The following ROBO2 variants were observed in gnomAD, a reference collection of about 807,000 sequenced individuals.
ROBO2 encodes the protein roundabout homolog 2.
Under a neutral mutation model 160.8 loss-of-function variants are expected in ROBO2, and 53 were observed. The ratio of observed to expected loss-of-function variants is 0.33; its 90% confidence interval spans 0.26 to 0.41. The LOEUF (loss-of-function observed/expected upper bound fraction) is 0.41. Ranked by LOEUF, ROBO2 falls within the 10% of genes least tolerant of loss-of-function variation. The probability of loss-of-function intolerance (pLI) is 1.00; values close to 1 mark genes in which losing one functional copy is unlikely to be tolerated. For synonymous variants in ROBO2, 664 were observed against 611.7 expected, an observed-to-expected ratio of 1.09 and a Z score of -1.26; for missense variants, 1,577 against 1,722.4, an observed-to-expected ratio of 0.92 and a Z score of 1.49.
intron 2 of ROBO2, among the ~76,000 whole-genome samples, chr3:76,104,776 A>C (rs1362473014): frequency 6.6e-6 from 1 of 152,168 alleles, no homozygotes; most frequent in Admixed American, 6.5e-5. Context: ...TTAATTGTTC[A>C]TGTCTACTGA....
intron 2 of ROBO2, among the ~76,000 whole-genome samples, chr3:76,955,810 C>T (rs1193652255): frequency 6.6e-6 from 1 of 151,764 alleles, no homozygotes; most frequent in African/African-American, 2.4e-5. Flanking sequence ...TGCCTGTAAT[C>T]CCAGCTATTC....
At chr3:77,279,787 A>G (rs915449903) in intron 2 of ROBO2, among the ~76,000 whole-genome samples, 2 of 152,154 alleles carry the variant, frequency 1.3e-5, no homozygotes, top group African/African-American at 2.4e-5. Context: ...TTTTCCTACC[A>G]AAGTGTATAA....
intron 2 of ROBO2, among the ~76,000 whole-genome samples, chr3:76,967,266 G>C (rs554543116): frequency 2.7e-5 from 4 of 148,386 alleles, no homozygotes; most frequent in African/African-American, 5.0e-5. Context: ...TCACTCTGTC[G>C]TCCAGTTTGT....
In ROBO2 at chr3:76,382,815, A is replaced by G. The variant is rs575379521; in HGVS notation, c.109+445213A>G. ...AAACACTCCTAACTGTAGATGTTAC[A>G]TGACTGAAAAAGGCCAAAGCATCTA... On this transcript the variant is annotated intron_variant, in intron 2 of 26. Coordinates refer to the ROBO2 transcript ENST00000487694. Among the ~76,000 whole-genome samples the G allele has an allele frequency of 3.9e-4, 60 of 152,326 alleles. No individual in the cohort carries two copies. The Middle Eastern group carries it at 0.01, about 26-fold the overall frequency.
intron 2 of ROBO2, among the ~76,000 whole-genome samples, chr3:76,851,293 G>A (rs1377280336): frequency 1.3e-5 from 2 of 152,140 alleles, no homozygotes; most frequent in East Asian, 3.9e-4. Flanking sequence ...ATAACCACAT[G>A]TATCTGGTGG....
At chr3:76,624,758 A>C (rs1186396149) in intron 2 of ROBO2, among the ~76,000 whole-genome samples, 3 of 120,424 alleles carry the variant, frequency 2.5e-5, no homozygotes, top group Non-Finnish European at 4.9e-5. Flanking sequence ...AGATCGCGCT[A>C]TTCTTTCCAG....
At chr3:75,954,486 T>G (rs1351186871) in intron 2 of ROBO2, among the ~76,000 whole-genome samples, 1 of 151,900 alleles carries the variant, frequency 6.6e-6, no homozygotes, top group Non-Finnish European at 1.5e-5. Context: ...AAGTCTTGTA[T>G]TAGTTTCCCC....
chr3:76,762,347 G>C (rs1398235737), intron 2 of ROBO2, among the ~76,000 whole-genome samples: 2 of 151,122 alleles, frequency 1.3e-5, no homozygotes, highest in Non-Finnish European at 3.0e-5. Context: ...AAATACAATA[G>C]AATGTACCTT....
rs140070686 is a variant in ROBO2, at chr3:77,421,877, A to C, written c.389-55537A>C. 4.9e-3 allele frequency among the ~76,000 whole-genome samples: 749 copies of C among 152,284 alleles called. 6 individuals carry two copies. Among genetic ancestry groups the C allele is most frequent in the Non-Finnish European group, 5.7e-3 (390 of 67,990 alleles). ...CAGCCTGAAATAATTTTAAGTTTAA[A>C]AAACAAGATCTGCTGTCTAAAAATG... On this transcript the variant is annotated intron_variant, in intron 2 of 25. Coordinates refer to ENST00000461745, the Ensembl canonical transcript of ROBO2.
chr3:76,012,956 A>T (rs2107619806), intron 2 of ROBO2, among the ~76,000 whole-genome samples: 1 of 150,540 alleles, frequency 6.6e-6, no homozygotes, highest in Admixed American at 6.6e-5. Flanking sequence ...AGTAATATGT[A>T]TAAAGGCAAT....
chr3:77,262,138 A>G (rs2058817451), intron 2 of ROBO2, among the ~76,000 whole-genome samples: 1 of 152,220 alleles, frequency 6.6e-6, no homozygotes, highest in Admixed American at 6.5e-5. Context: ...GGACACAAAT[A>G]TATCAACAAC....
At chr3:75,917,591 A>G (rs1946865289) in intron 1 of ROBO2, among the ~76,000 whole-genome samples, 3 of 152,198 alleles carry the variant, frequency 2.0e-5, no homozygotes, top group Non-Finnish European at 2.9e-5. Context: ...TTCTGGTTCT[A>G]TATCCTTGAG....
intron 2 of ROBO2, among the ~76,000 whole-genome samples, chr3:76,908,692 A>T (rs1221076703): frequency 6.6e-6 from 1 of 152,234 alleles, no homozygotes; most frequent in Non-Finnish European, 1.5e-5. Flanking sequence ...AAGACCAGAG[A>T]AATCACAAGT....
At chr3:77,344,288 T>A (rs960868460) in intron 2 of ROBO2, among the ~76,000 whole-genome samples, 6 of 152,178 alleles carry the variant, frequency 3.9e-5, no homozygotes, top group African/African-American at 1.2e-4. Context: ...ATATGACATA[T>A]TAACCTTACT....
At chr3:76,041,567 A>G (rs921663100) in intron 2 of ROBO2, among the ~76,000 whole-genome samples, 1 of 152,094 alleles carries the variant, frequency 6.6e-6, no homozygotes, top group Non-Finnish European at 1.5e-5. Context: ...TTAAAATTTC[A>G]TTGGAATATC....
intron 19 of ROBO2, among the ~76,000 whole-genome samples, chr3:77,598,737 A>G (rs185008255): frequency 1.1e-3 from 173 of 152,154 alleles, no homozygotes; most frequent in African/African-American, 3.9e-3. Flanking sequence ...ACTGTCAGCT[A>G]TCACTTTGCC....
rs540896816 is a variant in ROBO2, at chr3:77,450,880, T to C, written c.389-26534T>C. 7.4e-4 allele frequency among the ~76,000 whole-genome samples: 112 copies of C among 152,186 alleles called. No individual in the cohort carries two copies. In the Middle Eastern group the frequency reaches 0.01, roughly 14 times the overall value. The stretch of plus-strand genomic sequence containing the variant: ...AATTAGAGAACGAAATTTTGGCCTT[T>C]ATTAATTAAAATTCGGAGTATAGTG... On this transcript the variant is annotated intron_variant, in intron 2 of 25. Transcript: ENST00000461745.
intron 2 of ROBO2, among the ~76,000 whole-genome samples, chr3:76,833,488 T>A (rs2067260068): frequency 6.6e-6 from 1 of 152,172 alleles, no homozygotes; most frequent in Admixed American, 6.6e-5. Context: ...GACAAAACGA[T>A]ATGAGGAAAC....
At chr3:76,994,310 G>A (rs138654035) in intron 2 of ROBO2, among the ~76,000 whole-genome samples, 30 of 152,136 alleles carry the variant, frequency 2.0e-4, no homozygotes, top group African/African-American at 6.5e-4. Context: ...TTTGTGTACT[G>A]GCTTGTGAAC....
Sources: allele counts gnomAD v4.1 joint callset (sites outside exome capture counted in the v4.1 genomes callset), GRCh38; gene constraint gnomAD v4.1.1; transcripts MANE v1.5; gene names NCBI Gene and HGNC (gene_info 2026-07-23, HGNC 2026-07-21).